SPEN: variants seen among roughly 807,000 people sequenced by gnomAD.
The protein encoded by SPEN is spen family transcriptional repressor, also known as msx2-interacting protein.
A neutral mutation model predicts 269.9 loss-of-function variants in SPEN; 18 were observed. That is an observed-to-expected ratio of 0.07 (90% CI 0.05 to 0.10). The LOEUF (loss-of-function observed/expected upper bound fraction) is 0.10, where lower values mean the gene tolerates loss of function less well. SPEN is among the 10% of genes least tolerant of loss of function. The probability of loss-of-function intolerance (pLI) is 1.00; values close to 1 mark genes in which losing one functional copy is unlikely to be tolerated. For missense variants in SPEN, 3,822 were observed against 4,631.2 expected, an observed-to-expected ratio of 0.83 and a Z score of 5.07; for synonymous variants, 1,726 against 1,765.7, an observed-to-expected ratio of 0.98 and a Z score of 0.56.
At position 15,929,917 on chromosome 1, in the gene SPEN, A is replaced by T; in HGVS notation, c.3677A>T (p.Lys1226Ile). 6.2e-7 allele frequency: 1 copy of T among 1,614,150 alleles called. No homozygotes were observed. The highest frequency in any genetic ancestry group is 8.5e-7 in the Non-Finnish European group (1 of 1,180,034). Residue 1226 changes from lysine (K) to isoleucine (I), a missense_variant, in exon 11 of 15, where the codon AAA (lysine) becomes ATA (isoleucine). Transcript: ENST00000375759. This position sits in a 1 kb window ranked among gnomAD's most constrained non-coding sequence, Gnocchi z 5.8. ...QDVTDDSPPS[K>I]KKRMDHVDFD... ...GTCACTGATGACTCTCCTCCTAGCA[A>T]AAAGAAAAGGATGGATCATGTCGAT...
At chr1:15,857,690 T>TC (rs890282890) in intron 1 of SPEN, among the ~76,000 whole-genome samples, 3 of 4,622 alleles carry the variant, frequency 6.5e-4, no homozygotes, top group Non-Finnish European at 2.3e-3. Flanking sequence ...AAAAAAATTG[T>TC]TTTTTTTCTA....
At position 15,872,733 on chromosome 1, in the gene SPEN, C is replaced by T. The variant is rs965592017; in HGVS notation, c.84-83C>T. ...CAGGTCGTCCCTCCTACATACATAACGCAAATTGTCCAAAAAAAATCTAAA... is the reference window on the plus strand; with the variant it reads ...CAGGTCGTCCCTCCTACATACATAATGCAAATTGTCCAAAAAAAATCTAAA... On this transcript the variant is annotated intron_variant, in intron 1 of 14. Transcript: ENST00000375759. The T allele has an allele frequency of 1.1e-4, 123 of 1,170,436 alleles. 2 individuals carry two copies. The Admixed American group carries it at 1.8e-3, about 17-fold the overall frequency. The allele number at this position is 1,170,436 out of a possible 1,614,324, so 72.5% of individuals were successfully genotyped here. A position where few individuals can be genotyped will look rare whatever the true frequency, so the allele number is the denominator to read the frequency against.
rs921403440 is a variant in SPEN, at chr1:15,940,455, C to T, written c.*1028C>T. ...AAACTTTATTAAAAAATATAAAACACACCAAGTGTGAGTGTGATTGTCACT... is the reference window on the plus strand; with the variant it reads ...AAACTTTATTAAAAAATATAAAACATACCAAGTGTGAGTGTGATTGTCACT... On this transcript the variant is annotated 3_prime_UTR_variant, in exon 15 of 15. Coordinates refer to ENST00000375759, the MANE Select transcript of SPEN (RefSeq NM_015001.3). The T allele has an allele frequency of 4.4e-6, 1 of 227,612 alleles. No individual in the cohort carries two copies. Among genetic ancestry groups the T allele is most frequent in the South Asian group, 1.8e-4 (1 of 5,484 alleles). 14.1% of individuals were successfully genotyped at this position (227,612 alleles called of 1,614,324 possible).
chr1:15,883,491 G>T (rs1017762065), intron 3 of SPEN, among the ~76,000 whole-genome samples: 1 of 151,486 alleles, frequency 6.6e-6, no homozygotes, highest in Non-Finnish European at 1.5e-5. Flanking sequence ...GTGTGATCTC[G>T]CCTCACTGCA....
Position 15,931,999 on chromosome 1 carries a change from T to G in SPEN, c.5759T>G (p.Val1920Gly), listed in dbSNP as rs1425362441. ...GGTGACCATGAAAACCGCTCTCCTG[T>G]CAAAGAGCCCGTTGAGCAACCAAGA... ...TMGDHENRSP[V>G]KEPVEQPRVT... The change falls in exon 11 of 15, where the codon GTC (valine) becomes GGC (glycine). Residue 1920 changes from valine (V) to glycine (G), a missense_variant. Physicochemically the swap from Val to Gly is moderately radical, Grantham distance 109. This residue lies in a region of SPEN where 533 missense variants were observed against 618.8 expected (regional missense o/e 0.86). Transcript: ENST00000375759. The surrounding 1 kb of genome is among the most constrained non-coding windows in gnomAD (Gnocchi z 4.8). 6.2e-7 allele frequency: 1 copy of G among 1,614,172 alleles called. No individual in the cohort carries two copies. The highest frequency in any genetic ancestry group is 8.5e-7 in the Non-Finnish European group (1 of 1,180,036).
At position 15,932,641 on chromosome 1, in the gene SPEN, C is replaced by T; in HGVS notation, c.6401C>T (p.Ser2134Leu). The T allele has an allele frequency of 6.2e-7, 1 of 1,612,156 alleles. No homozygotes were observed. Among genetic ancestry groups the T allele is most frequent in the South Asian group, 1.1e-5 (1 of 90,954 alleles). ...AGTCCCCAAAAGGAGGATGGTTTAT[C>T]ATCCCAGTTGAAAAGTGATCCAGTT... ...SESPQKEDGL[S>L]SQLKSDPVDP... Residue 2134 changes from serine (S) to leucine (L), a missense_variant, in exon 11 of 15, where the codon TCA (serine) becomes TTA (leucine). By Grantham distance (145) the Ser-to-Leu change is moderately radical (BLOSUM62 -2). Around this residue, in one of 16 missense-constraint regions of SPEN, gnomAD observed 727 missense variants for 737.9 expected, o/e 0.99. Coordinates refer to ENST00000375759, the MANE Select transcript of SPEN (RefSeq NM_015001.3). The surrounding 1 kb of genome is among the most constrained non-coding windows in gnomAD (Gnocchi z 4.2).
In SPEN at chr1:15,935,885, G is replaced by A. The variant is rs1176839755; in HGVS notation, c.9645G>A (p.Gly3215=). 1 of 1,613,350 alleles carries A rather than the reference G, an allele frequency of 6.2e-7. No homozygotes were observed. The highest frequency in any genetic ancestry group is 1.7e-4 in the Middle Eastern group (1 of 5,986). Reference sequence around the variant, plus strand: ...GCGAGCAGCCCAGGGCCGCGGATGGGGTGGTGAAGGTGCCACCAGCCAGCA... The same window carrying A: ...GCGAGCAGCCCAGGGCCGCGGATGGAGTGGTGAAGGTGCCACCAGCCAGCA... ...AVSEQPRAAD[G]VVKVPPASKA... Residue 3215 remains glycine, a synonymous_variant, in exon 11 of 15, where the codon GGG becomes GGA. Transcript: ENST00000375759. The surrounding 1 kb of genome is among the most constrained non-coding windows in gnomAD (Gnocchi z 7.7).
chr1:15,858,742 C>A (rs898670873), intron 1 of SPEN, among the ~76,000 whole-genome samples: 1 of 152,086 alleles, frequency 6.6e-6, no homozygotes, highest in Non-Finnish European at 1.5e-5. Context: ...CCAGACCAGT[C>A]TGGGCAACAT....
In SPEN at chr1:15,934,514, C is replaced by T. The variant is rs754816303; in HGVS notation, c.8274C>T (p.Gly2758=). ...CTGGTGGTGTAACGGCCACAACAGG[C>T]ACGGTGACAATGGCAGGGGCAGTGA... ...AASGGVTATT[G]TVTMAGAVIA... The change falls in exon 11 of 15, where the codon GGC becomes GGT. Residue 2758 remains glycine (G), a synonymous_variant. Transcript: ENST00000375759. This position sits in a 1 kb window ranked among gnomAD's most constrained non-coding sequence, Gnocchi z 9.2. 2 of 1,614,078 alleles carry T rather than the reference C, an allele frequency of 1.2e-6. No homozygotes were observed. Among genetic ancestry groups the T allele is most frequent in the South Asian group, 1.1e-5 (1 of 91,082 alleles).
chr1:15,913,832 G>C (rs1001358743), intron 5 of SPEN, among the ~76,000 whole-genome samples: 1 of 151,982 alleles, frequency 6.6e-6, no homozygotes, highest in East Asian at 1.9e-4. Context: ...ACTCCAGCCT[G>C]GGCAACAGAG....
In SPEN at chr1:15,847,957, C is replaced by CGCCGCA. The variant is rs1468967518; in HGVS notation, c.-105_-100dup. On this transcript the variant is annotated 5_prime_UTR_variant, in exon 1 of 15. Coordinates refer to ENST00000375759, the MANE Select transcript of SPEN (RefSeq NM_015001.3). ...GAGCCGCCGCCGCTGCCGACGCCAC[C>CGCCGCA]GCCGCAGCCGCCGCCGCCGCCGCCC... 3 of 543,118 alleles carry CGCCGCA rather than the reference C, an allele frequency of 5.5e-6. No individual in the cohort carries two copies. Among genetic ancestry groups the CGCCGCA allele is most frequent in the African/African-American group, 2.0e-5 (1 of 49,766 alleles). 33.6% of individuals were successfully genotyped at this position (543,118 alleles called of 1,614,324 possible).
rs145772818 is a variant in SPEN at position 15,931,757 on chromosome 1, C to T, written c.5517C>T (p.Pro1839=). The T allele has an allele frequency of 2.6e-5, 42 of 1,613,882 alleles. No homozygotes were observed. Among genetic ancestry groups the T allele is most frequent in the Non-Finnish European group, 3.1e-5 (37 of 1,179,954 alleles). ...CTGCAGTGAGTATCGTGGAGAAGCC[C>T]GTCACAAGGAAGAGTGAGAGGATAG... ...QAAAVSIVEK[P]VTRKSERIDR... is the part of the protein sequence containing the mutation. The change falls in exon 11 of 15, where the codon CCC becomes CCT. Residue 1839 remains proline (P), a synonymous_variant. Transcript: ENST00000375759. The surrounding 1 kb of genome is among the most constrained non-coding windows in gnomAD (Gnocchi z 4.8).
At chr1:15,909,851 C>T (rs1269703982) in intron 4 of SPEN, among the ~76,000 whole-genome samples, 1 of 152,124 alleles carries the variant, frequency 6.6e-6, no homozygotes, top group Non-Finnish European at 1.5e-5. Context: ...AGGGGCCAGG[C>T]GCGGTGGCTC....
In SPEN at chr1:15,928,079, A is replaced by AT. The variant is rs1242032099; in HGVS notation, c.1851-6dup. On this transcript the variant is annotated splice_polypyrimidine_tract_variant and intron_variant, in intron 10 of 14. Transcript: ENST00000375759. The surrounding 1 kb of genome is among the most constrained non-coding windows in gnomAD (Gnocchi z 5.7). ...AAACAAAAGAACTAATATCTTTGTT[A>AT]TTTTTTGGCAGAGAGGAACGAAGGG... The AT allele has an allele frequency of 1.0e-5, 16 of 1,574,140 alleles. No homozygotes were observed. The highest frequency in any genetic ancestry group is 3.4e-4 in the Middle Eastern group (2 of 5,890).
chr1:15,904,779 A>C (rs939357817), intron 3 of SPEN, among the ~76,000 whole-genome samples: 1 of 150,886 alleles, frequency 6.6e-6, no homozygotes, highest in Non-Finnish European at 1.5e-5. Context: ...GGCCTGTGAT[A>C]ATGTTTATAA....
In SPEN at chr1:15,876,278, C is replaced by G; in HGVS notation, c.481C>G (p.Arg161Gly). 1 of 1,613,916 alleles carries G rather than the reference C, an allele frequency of 6.2e-7. No homozygotes were observed. Residue 161 changes from arginine to glycine, a missense_variant, in exon 3 of 15, where the codon CGG (arginine) becomes GGG (glycine). Arg to Gly is a moderately radical substitution (Grantham distance 125). Transcript: ENST00000375759. ...HHERGTGGFD[R>G]TRHYDQDYYR... ...TGAACGGGGGACGGGAGGATTTGAT[C>G]GGACAAGACATTACGATCAGGATTA...
intron 9 of SPEN, 38 bp downstream of exon 9, chr1:15,921,021 C>T: frequency 7.2e-7 from 1 of 1,381,026 alleles, no homozygotes; most frequent in Non-Finnish European, 1.0e-6. Flanking sequence ...AAAACAAAGT[C>T]CTATTCAAAT....
intron 5 of SPEN, among the ~76,000 whole-genome samples, chr1:15,911,677 C>T (rs747143349): frequency 6.6e-6 from 1 of 152,136 alleles, no homozygotes; most frequent in Non-Finnish European, 1.5e-5. Flanking sequence ...GAAACTACTT[C>T]TGGTTGGGCG....
rs753287056 is a variant in SPEN, at chr1:15,932,112, C to A, written c.5872C>A (p.Arg1958=). The A allele has an allele frequency of 6.2e-7, 1 of 1,613,394 alleles. No homozygotes were observed. Among genetic ancestry groups the A allele is most frequent in the Non-Finnish European group, 8.5e-7 (1 of 1,179,950 alleles). ...GAGGGGAAGGCCTCCAAAGACACGC[C>A]GGCGAGCCGATGAAGAGGAGGAGAA... ...PRRGRPPKTR[R]RADEEEENEA... Residue 1958 remains arginine (R), a synonymous_variant, in exon 11 of 15, where the codon CGG becomes AGG. Coordinates refer to ENST00000375759, the MANE Select transcript of SPEN (RefSeq NM_015001.3). The surrounding 1 kb of genome is among the most constrained non-coding windows in gnomAD (Gnocchi z 4.2).
Sources: allele counts gnomAD v4.1 joint callset (sites outside exome capture counted in the v4.1 genomes callset), GRCh38; gene constraint gnomAD v4.1.1; regional missense constraint gnomAD v4.1.1; non-coding constraint Gnocchi (gnomAD v3.1); transcripts MANE v1.5; gene names NCBI Gene and HGNC (gene_info 2026-07-23, HGNC 2026-07-21).